Variants in ASIC2 observed in about 807,000 individuals in gnomAD.
ASIC2 encodes the protein acid sensing ion channel subunit 2, also known as acid-sensing ion channel 2.
Under a neutral mutation model 57.3 loss-of-function variants are expected in ASIC2, and 25 were observed. The observed-to-expected ratio is 0.44, with a 90% CI of 0.32 to 0.61. The LOEUF is 0.61. Ranked by LOEUF, ASIC2 falls within the 20% of genes least tolerant of loss-of-function variation. ASIC2 has a pLI of 0.06. For missense variants in ASIC2, 641 were observed against 738.1 expected (o/e 0.87, Z 1.52); for synonymous variants, 319 against 307.5 (o/e 1.04, Z -0.39).
At chr17:34,119,811 T>C (rs1911547064) in intron 1 of ASIC2, among the ~76,000 whole-genome samples, 1 of 152,240 alleles carries the variant, frequency 6.6e-6, no homozygotes, top group Non-Finnish European at 1.5e-5. Context: ...TTGTAAACTC[T>C]GAGGATGGGA....
chr17:34,018,381 T>C (rs1222907626), intron 1 of ASIC2, among the ~76,000 whole-genome samples: 1 of 152,254 alleles, frequency 6.6e-6, no homozygotes, highest in Non-Finnish European at 1.5e-5. Context: ...CCAAGAGTTC[T>C]GATGAAGACG....
At chr17:33,111,000 CT>C (rs2092255966) in intron 2 of ASIC2, among the ~76,000 whole-genome samples, 1 of 152,206 alleles carries the variant, frequency 6.6e-6, no homozygotes, top group East Asian at 1.9e-4. Context: ...GGTTCCCAGT[CT>C]TGGGCACCTC....
chr17:33,637,305 C>T (rs766538614), intron 1 of ASIC2, among the ~76,000 whole-genome samples: 1 of 152,000 alleles, frequency 6.6e-6, no homozygotes, highest in Non-Finnish European at 1.5e-5. Context: ...AAGAGCAGCT[C>T]GGCTCCTAGA....
chr17:33,090,191 C>T (rs371998757), intron 2 of ASIC2, among the ~76,000 whole-genome samples: 2 of 152,308 alleles, frequency 1.3e-5, no homozygotes, highest in South Asian at 2.1e-4. Flanking sequence ...ACCTTGTCCA[C>T]CTGACCATCT....
chr17:33,719,647 C>T, intron 1 of ASIC2, among the ~76,000 whole-genome samples: 1 of 152,216 alleles, frequency 6.6e-6, no homozygotes, highest in East Asian at 1.9e-4. Context: ...GGCATGGAGC[C>T]TTCAGTACCC....
chr17:33,586,498 T>TA (rs952442042), intron 1 of ASIC2, among the ~76,000 whole-genome samples: 3 of 152,222 alleles, frequency 2.0e-5, no homozygotes, highest in African/African-American at 7.2e-5. Context: ...GCTCTTGGCG[T>TA]AAAATCCATG....
intron 1 of ASIC2, among the ~76,000 whole-genome samples, chr17:33,949,410 C>A (rs1431429294): frequency 6.6e-6 from 1 of 152,168 alleles, no homozygotes; most frequent in Non-Finnish European, 1.5e-5. Context: ...TAGCCTGGCA[C>A]CACACTGGAC....
intron 1 of ASIC2, among the ~76,000 whole-genome samples, chr17:34,086,587 G>A (rs1216369261): frequency 1.3e-5 from 2 of 152,038 alleles, no homozygotes; most frequent in East Asian, 1.9e-4. Flanking sequence ...CAATTCCTGG[G>A]TATCCTTGTT....
At chr17:33,027,388 T>C (rs2091863695) in intron 4 of ASIC2, among the ~76,000 whole-genome samples, 2 of 152,206 alleles carry the variant, frequency 1.3e-5, no homozygotes, top group Non-Finnish European at 2.9e-5. Flanking sequence ...TAAAGTATGA[T>C]ATAACCATGA....
intron 1 of ASIC2, among the ~76,000 whole-genome samples, chr17:33,779,253 AAAG>A (rs1239372019): frequency 1.3e-5 from 2 of 152,208 alleles, no homozygotes; most frequent in Non-Finnish European, 2.9e-5. Flanking sequence ...TCCTTAAAAA[AAAG>A]ATTAACTCTG....
chr17:33,599,449 A>G (rs1270382198), intron 1 of ASIC2, among the ~76,000 whole-genome samples: 1 of 152,196 alleles, frequency 6.6e-6, no homozygotes, highest in Non-Finnish European at 1.5e-5. Flanking sequence ...ATTCTCCAGA[A>G]TAACGGGAGG....
At chr17:33,733,089 T>A (rs775787628) in intron 1 of ASIC2, among the ~76,000 whole-genome samples, 17 of 152,092 alleles carry the variant, frequency 1.1e-4, no homozygotes, top group Non-Finnish European at 1.9e-4. Flanking sequence ...GGTTATTTAT[T>A]TTTTTAAAAA....
chr17:33,021,437 G>A, intron 6 of ASIC2, 127 bp from the exon 7 acceptor site: 1 of 722,862 alleles, frequency 1.4e-6, no homozygotes, highest in Non-Finnish European at 2.3e-6. Flanking sequence ...CTTGCCCAAA[G>A]TTAGAGCTGG....
chr17:33,219,963 C>T (rs554871120), intron 1 of ASIC2, among the ~76,000 whole-genome samples: 119 of 152,228 alleles, frequency 7.8e-4, no homozygotes, highest in African/African-American at 2.8e-3. Context: ...GTGCAGATGT[C>T]CCATGGGGGT....
chr17:34,096,173 A>G (rs2142093325), intron 1 of ASIC2, among the ~76,000 whole-genome samples: 1 of 152,252 alleles, frequency 6.6e-6, no homozygotes, highest in South Asian at 2.1e-4. Context: ...AAACACACAG[A>G]AGGGTATTTG....
chr17:33,241,867 C>T (rs1472302060), intron 1 of ASIC2, among the ~76,000 whole-genome samples: 2 of 152,224 alleles, frequency 1.3e-5, no homozygotes, highest in African/African-American at 2.4e-5. Flanking sequence ...AGGCAGCGTA[C>T]TGGAACACCT....
chr17:33,637,996 C>G (rs1025689875), intron 1 of ASIC2, among the ~76,000 whole-genome samples: 2 of 152,100 alleles, frequency 1.3e-5, no homozygotes, highest in African/African-American at 4.8e-5. Context: ...GAGTCTGCCT[C>G]TGGGTGGGGG....
At chr17:33,589,106 A>G (rs946578046) in intron 1 of ASIC2, among the ~76,000 whole-genome samples, 1 of 152,234 alleles carries the variant, frequency 6.6e-6, no homozygotes, top group Non-Finnish European at 1.5e-5. Flanking sequence ...TTAAAATAGA[A>G]TTATCAAATT....
At chr17:34,105,026 C>T (rs75431248) in intron 1 of ASIC2, among the ~76,000 whole-genome samples, 2,490 of 152,092 alleles carry the variant, frequency 0.016, 62 homozygotes, top group East Asian at 0.059. Flanking sequence ...ACTACTTCCT[C>T]CCTGAATGTT....
Sources: gnomAD v4.1 joint callset for allele counts (sites outside exome capture counted in the v4.1 genomes callset) on GRCh38, gnomAD v4.1.1 for gene constraint, MANE v1.5 for transcripts, NCBI Gene and HGNC (gene_info 2026-07-23, HGNC 2026-07-21) for gene names.